The following ANO3 variants were observed in gnomAD, a reference collection of about 807,000 sequenced individuals.
ANO3 encodes the protein anoctamin 3.
In ANO3, 99 loss-of-function variants were observed where a neutral mutation model predicts 144.8. The observed-to-expected ratio is 0.68, with a 90% CI of 0.58 to 0.81. The LOEUF (loss-of-function observed/expected upper bound fraction) is 0.81, where lower values mean the gene tolerates loss of function less well. ANO3 is among the 30% of genes least tolerant of loss of function. The probability of loss-of-function intolerance (pLI) is 0.00; values close to 1 mark genes in which losing one functional copy is unlikely to be tolerated. For synonymous variants in ANO3, 414 were observed against 392.6 expected (o/e 1.05, Z -0.64); for missense variants, 905 against 1,202.2 (o/e 0.75, Z 3.66).
intron 1 of ANO3, among the ~76,000 whole-genome samples, chr11:26,279,507 C>A (rs1853631793): frequency 6.6e-6 from 1 of 151,980 alleles, no homozygotes; most frequent in South Asian, 2.1e-4. Flanking sequence ...GACAAACAAC[C>A]CTATTAAAAT....
At chr11:26,336,169 A>G (rs1017114988) in intron 1 of ANO3, among the ~76,000 whole-genome samples, 3 of 152,142 alleles carry the variant, frequency 2.0e-5, no homozygotes, top group Non-Finnish European at 4.4e-5. Context: ...CTGGCTTTCC[A>G]TGTTTTGCTT....
At chr11:26,485,136 G>A (rs1185737447) in intron 4 of ANO3, among the ~76,000 whole-genome samples, 2 of 152,126 alleles carry the variant, frequency 1.3e-5, no homozygotes, top group East Asian at 3.9e-4. Context: ...AAGACTTTGG[G>A]GGACTCTTGA....
intron 1 of ANO3, among the ~76,000 whole-genome samples, chr11:26,237,632 G>T (rs1320244391): frequency 7.9e-5 from 12 of 151,966 alleles, no homozygotes; most frequent in East Asian, 1.9e-4. Flanking sequence ...ATAACAAAAT[G>T]ATGTTATTCT....
chr11:26,429,880 T>C (rs759610371), intron 1 of ANO3, among the ~76,000 whole-genome samples: 11 of 152,012 alleles, frequency 7.2e-5, no homozygotes, highest in Non-Finnish European at 1.3e-4. Flanking sequence ...AAGAGATAGA[T>C]ACTAACACAC....
intron 26 of ANO3, among the ~76,000 whole-genome samples, chr11:26,659,097 C>CACACACACACACAT (rs1554986694): frequency 6.8e-6 from 1 of 146,670 alleles, no homozygotes; most frequent in Admixed American, 6.9e-5. Flanking sequence ...CACACACACA[C>CACACACACACACAT]ACATATATAT....
At chr11:26,383,303 A>G (rs1856636780) in intron 1 of ANO3, among the ~76,000 whole-genome samples, 1 of 152,258 alleles carries the variant, frequency 6.6e-6, no homozygotes, top group African/African-American at 2.4e-5. Context: ...TTTTTAACCA[A>G]TATCTACTAA....
At chr11:26,494,476 C>T (rs1448931230) in intron 4 of ANO3, among the ~76,000 whole-genome samples, 1 of 152,070 alleles carries the variant, frequency 6.6e-6, no homozygotes, top group African/African-American at 2.4e-5. Flanking sequence ...AGAAGTGAGT[C>T]TTCACCTCAG....
intron 1 of ANO3, among the ~76,000 whole-genome samples, chr11:26,323,581 CG>C (rs1327138796): frequency 2.0e-5 from 3 of 152,128 alleles, no homozygotes; most frequent in African/African-American, 7.2e-5. Context: ...TTTCAAAACA[CG>C]TGGGCTTCCT....
At chr11:26,656,305 C>G in intron 25 of ANO3, 71 bp from the exon 26 acceptor site, 9 of 1,488,816 alleles carry the variant, frequency 6.0e-6, no homozygotes, top group African/African-American at 1.4e-5. Context: ...GGCATTTTGG[C>G]AAATCAAGAA....
At chr11:26,355,138 T>G (rs1488663105) in intron 1 of ANO3, among the ~76,000 whole-genome samples, 1 of 152,136 alleles carries the variant, frequency 6.6e-6, no homozygotes, top group Non-Finnish European at 1.5e-5. Context: ...CTGATTTTCT[T>G]GTATTAGGGC....
At chr11:26,559,360 G>T (rs1396054531) in intron 13 of ANO3, 4 of 174,924 alleles carry the variant, frequency 2.3e-5, no homozygotes, top group African/African-American at 7.1e-5. Flanking sequence ...TTGCAACTAG[G>T]AATGCCTCAC....
At chr11:26,199,825 T>C (rs1233599282) in intron 1 of ANO3, among the ~76,000 whole-genome samples, 1 of 152,200 alleles carries the variant, frequency 6.6e-6, no homozygotes, top group Non-Finnish European at 1.5e-5. Flanking sequence ...TGGCCATGTT[T>C]TTTGTTTCAT....
intron 22 of ANO3, 53 bp from the exon 23 acceptor site, chr11:26,643,129 A>G (rs1853224101): frequency 4.5e-6 from 7 of 1,571,014 alleles, no homozygotes; most frequent in Admixed American, 1.7e-5. Context: ...AAAGCACCAA[A>G]TTTGTCACAA....
At chr11:26,401,048 T>A (rs1857134911) in intron 1 of ANO3, among the ~76,000 whole-genome samples, 1 of 152,044 alleles carries the variant, frequency 6.6e-6, no homozygotes, top group Non-Finnish European at 1.5e-5. Context: ...ATTATCTACC[T>A]TTGGATATGC....
intron 14 of ANO3, among the ~76,000 whole-genome samples, chr11:26,576,874 A>C (rs988719833): frequency 6.6e-6 from 1 of 152,224 alleles, no homozygotes; most frequent in Non-Finnish European, 1.5e-5. Context: ...AATTGATAAA[A>C]GATTGAATAA....
Position 26,324,810 on chromosome 11 carries a change from T to G in ANO3, c.-3+15091T>G, listed in dbSNP as rs114723534. On this transcript the variant is annotated intron_variant, in intron 1 of 26. Transcript: ENST00000525139. ...ACAACGAAAATACACAAAATACTAA[T>G]ATTACCGTTAGGTACTCCTAATCAA... Among the ~76,000 whole-genome samples the G allele has an allele frequency of 3.8e-3, 580 of 152,288 alleles. 4 individuals carry two copies. The highest frequency in any genetic ancestry group is 0.013 in the African/African-American group (561 of 41,572).
intron 14 of ANO3, 54 bp from the exon 15 acceptor site, chr11:26,598,311 G>T (rs1213453107): frequency 2.2e-6 from 2 of 929,818 alleles, no homozygotes; most frequent in Non-Finnish European, 3.1e-6. Context: ...ATATAAAGAA[G>T]AAAAGCAATA....
chr11:26,525,513 AAGTTTCTT>A, intron 6 of ANO3, 114 bp from the exon 7 acceptor site: 1 of 717,394 alleles, frequency 1.4e-6, no homozygotes, highest in Non-Finnish European at 2.4e-6. Flanking sequence ...CAAACATCTT[AAGTTTCTT>A]AAGCATACGG....
At chr11:26,520,115 C>T (rs576914782) in intron 6 of ANO3, among the ~76,000 whole-genome samples, 13 of 152,246 alleles carry the variant, frequency 8.5e-5, no homozygotes, top group Non-Finnish European at 1.5e-4. Flanking sequence ...ATCTTTATCA[C>T]AATTAATTTC....
Sources: gnomAD v4.1 joint callset for allele counts (sites outside exome capture counted in the v4.1 genomes callset) on GRCh38, gnomAD v4.1.1 for gene constraint, MANE v1.5 for transcripts, NCBI Gene and HGNC (gene_info 2026-07-23, HGNC 2026-07-21) for gene names.